The following AK3 variants were observed in gnomAD, a reference collection of about 807,000 sequenced individuals.
AK3 encodes adenylate kinase 3.
A neutral mutation model predicts 23.7 loss-of-function variants in AK3; 27 were observed. That is an observed-to-expected ratio of 1.14 (90% CI 0.84 to 1.57). The LOEUF is 1.57. Ranked by LOEUF, AK3 falls within the 40% of genes most tolerant of loss-of-function variation. The pLI is 0.00. For synonymous variants in AK3, 159 were observed against 116.0 expected, an observed-to-expected ratio of 1.37 and a Z score of -2.38; for missense variants, 406 against 285.6, an observed-to-expected ratio of 1.42 and a Z score of -3.04.
chr9:4,725,225 T>C (rs887500892), intron 1 of AK3, among the ~76,000 whole-genome samples: 1 of 151,406 alleles, frequency 6.6e-6, no homozygotes, highest in Non-Finnish European at 1.5e-5. Context: ...GGTTTCACCA[T>C]GTTGGCCAGG....
intron 4 of AK3, among the ~76,000 whole-genome samples, chr9:4,713,907 T>C: frequency 7.1e-6 from 1 of 140,600 alleles, no homozygotes; most frequent in Admixed American, 7.3e-5. Context: ...CACCTACGCC[T>C]ACACATATAC....
intron 1 of AK3, among the ~76,000 whole-genome samples, chr9:4,729,013 A>ATTTTTT (rs754323325): frequency 1.8e-5 from 2 of 109,802 alleles, no homozygotes; most frequent in Non-Finnish European, 3.8e-5. Context: ...ATATATATAT[A>ATTTTTT]TATTTTTTTT....
At chr9:4,713,251 A>G (rs1012618485) in intron 4 of AK3, among the ~76,000 whole-genome samples, 155 bp from the exon 5 acceptor site, 4 of 152,196 alleles carry the variant, frequency 2.6e-5, no homozygotes, top group African/African-American at 9.6e-5. Flanking sequence ...TTGGCTGGGC[A>G]TTGGAAAATG....
chr9:4,741,397 C>T (rs1842432548), upstream of AK3: 1 of 274,752 alleles, frequency 3.6e-6, no homozygotes, highest in East Asian at 6.5e-5. Flanking sequence ...CCAGCTCCCA[C>T]CTGCGCCTCT....
chr9:4,724,292 G>A (rs1841971676), intron 1 of AK3, among the ~76,000 whole-genome samples: 1 of 151,940 alleles, frequency 6.6e-6, no homozygotes, highest in Non-Finnish European at 1.5e-5. Context: ...AATTCTCTAG[G>A]GCCAAGTCCC....
At chr9:4,715,422 T>G (rs1841700634) in intron 4 of AK3, among the ~76,000 whole-genome samples, 1 of 145,540 alleles carries the variant, frequency 6.9e-6, no homozygotes, top group Admixed American at 7.0e-5. Context: ...AGACAGGGTC[T>G]CACTCTGACA....
At chr9:4,737,581 G>C (rs965316264) in intron 1 of AK3, among the ~76,000 whole-genome samples, 5 of 152,150 alleles carry the variant, frequency 3.3e-5, no homozygotes, top group Admixed American at 3.3e-4. Flanking sequence ...AGCCACGGTG[G>C]TGCAAGCCTG....
chr9:4,729,480 G>A (rs565053189), intron 1 of AK3, among the ~76,000 whole-genome samples: 4 of 151,766 alleles, frequency 2.6e-5, no homozygotes, highest in African/African-American at 7.3e-5. Flanking sequence ...TTGCAGGGAG[G>A]GGGGAAAGAC....
In AK3 at chr9:4,741,198, C is replaced by T; in HGVS notation, c.-111G>A. On this transcript the variant is annotated 5_prime_UTR_variant, in exon 1 of 5. Transcript: ENST00000381809. ...GGCTAGCAGCGCCACTAGCAGGCGG[C>T]TACTGCGGTTCCCCGGCGTTCCCGG... 1 of 1,203,990 alleles carries T rather than the reference C, an allele frequency of 8.3e-7. No individual in the cohort carries two copies. 74.6% of individuals were successfully genotyped at this position (1,203,990 alleles called of 1,614,324 possible).
chr9:4,733,765 G>A (rs1842208172), intron 1 of AK3, among the ~76,000 whole-genome samples: 1 of 151,932 alleles, frequency 6.6e-6, no homozygotes, highest in African/African-American at 2.4e-5. Flanking sequence ...CCTCCCCATT[G>A]GCACTTCACC....
chr9:4,720,942 C>T lies in AK3; in HGVS notation c.271+1564G>A, dbSNP rs543457195. On this transcript the variant is annotated intron_variant, in intron 2 of 4. Transcript: ENST00000381809. ...ACCTTGGTTTACCTTGTTCCTGCTG[C>T]CAAAGATAACCTGTCTCTCCACCCA... Among the ~76,000 whole-genome samples, 7 of 152,238 alleles carry T rather than the reference C, an allele frequency of 4.6e-5. No individual in the cohort carries two copies. The South Asian group carries it at 1.4e-3, about 32-fold the overall frequency.
At chr9:4,733,948 T>A (rs1344629873) in intron 1 of AK3, among the ~76,000 whole-genome samples, 1 of 152,242 alleles carries the variant, frequency 6.6e-6, no homozygotes, top group Non-Finnish European at 1.5e-5. Context: ...GACTTCCAAA[T>A]GTCACAGACT....
rs754950411 is a variant in AK3, at chr9:4,719,323, A to G, written c.272-16T>C. On this transcript the variant is annotated splice_polypyrimidine_tract_variant and intron_variant, in intron 2 of 4. Coordinates refer to ENST00000381809, the MANE Select transcript of AK3 (RefSeq NM_016282.4). Reference sequence around the variant, plus strand: ...CTTGGAAAACCTTTATAAAGTAAAAAAGAAAAAGAAGAAGAAAAAAGAAAG... The same window carrying G: ...CTTGGAAAACCTTTATAAAGTAAAAGAGAAAAAGAAGAAGAAAAAAGAAAG... The G allele has an allele frequency of 6.4e-7, 1 of 1,570,054 alleles. No homozygotes were observed. Among genetic ancestry groups the G allele is most frequent in the African/African-American group, 1.4e-5 (1 of 72,324 alleles).
chr9:4,730,330 G>A (rs1842124121), intron 1 of AK3, among the ~76,000 whole-genome samples: 1 of 151,810 alleles, frequency 6.6e-6, no homozygotes, highest in Non-Finnish European at 1.5e-5. Context: ...TGTATGGTAT[G>A]TGAATTAAAT....
At chr9:4,728,834 T>A (rs79818506) in intron 1 of AK3, among the ~76,000 whole-genome samples, 26 of 74,824 alleles carry the variant, frequency 3.5e-4, no homozygotes, top group East Asian at 1.1e-3. Context: ...TGTCTCTACA[T>A]ATATATATAT....
chr9:4,722,421 G>C lies in AK3; in HGVS notation c.271+85C>G, dbSNP rs1288902022. The C allele has an allele frequency of 2.5e-6, 4 of 1,585,506 alleles. No individual in the cohort carries two copies. The African/African-American group carries it at 4.0e-5, about 16-fold the overall frequency. ...CTCTCCCCAAACCACCATCCTTGAC[G>C]TCTGTCTGAAGCCCATGAAATGCTC... On this transcript the variant is annotated intron_variant, in intron 2 of 4. Coordinates refer to ENST00000381809, the MANE Select transcript of AK3 (RefSeq NM_016282.4).
At chr9:4,741,231 C>A (rs562685127), upstream of AK3, 24 of 948,346 alleles carry the variant, frequency 2.5e-5, no homozygotes, top group South Asian at 5.2e-4. Context: ...CGGAAGTGAG[C>A]CGACAGCCCC....
intron 1 of AK3, among the ~76,000 whole-genome samples, chr9:4,732,856 T>TTC (rs775500324): frequency 6.9e-6 from 1 of 145,520 alleles, no homozygotes; most frequent in South Asian, 2.2e-4. Context: ...TAAATAACAG[T>TTC]TCTCTCTCTC....
intron 4 of AK3, among the ~76,000 whole-genome samples, chr9:4,715,847 T>C (rs403860): frequency 0.4 from 60,620 of 151,960 alleles, 13,088 homozygotes; most frequent in African/African-American, 0.56. Context: ...CTTTGGGAAA[T>C]AACCTCTCCA....
Sources: gnomAD v4.1 joint callset for allele counts (sites outside exome capture counted in the v4.1 genomes callset) on GRCh38, gnomAD v4.1.1 for gene constraint, MANE v1.5 for transcripts, NCBI Gene and HGNC (gene_info 2026-07-23, HGNC 2026-07-21) for gene names.